KMT2C: variants seen among roughly 807,000 people sequenced by gnomAD.
KMT2C encodes histone-lysine N-methyltransferase 2C.
In KMT2C, 88 loss-of-function variants were observed where a neutral mutation model predicts 507.9. The observed-to-expected ratio is 0.17, with a 90% confidence interval of 0.15 to 0.21. The LOEUF is 0.21. KMT2C is among the 10% of genes least tolerant of loss of function. The pLI, the probability that KMT2C is intolerant of heterozygous loss-of-function variation, is 1.00. For missense variants in KMT2C, 4,954 were observed against 5,957.8 expected, an observed-to-expected ratio of 0.83 and a Z score of 5.55; for synonymous variants, 2,049 against 2,080.8, an observed-to-expected ratio of 0.98 and a Z score of 0.42.
At position 152,230,414 on chromosome 7, in the gene KMT2C, T is replaced by C. The variant is rs2095072239; in HGVS notation, c.2770-93A>G. On this transcript the variant is annotated intron_variant, in intron 16 of 58. Transcript: ENST00000262189. ...CTTCAGAAAATTCATAATCAAAACA[T>C]ATATTTTGGCTAAGGTCTAGAATAA... The C allele has an allele frequency of 7.1e-6, 4 of 566,296 alleles. No individual in the cohort carries two copies. In the South Asian group the frequency reaches 8.3e-5, roughly 12 times the overall value. The allele number at this position is 566,296 out of a possible 1,614,324, so 35.1% of individuals were successfully genotyped here. A position where few individuals can be genotyped will look rare whatever the true frequency, so the allele number is the denominator to read the frequency against.
At position 152,180,699 on chromosome 7, in the gene KMT2C, C is replaced by G. The variant is rs373539339; in HGVS notation, c.7149+12G>C. 1.9e-6 allele frequency: 3 copies of G among 1,573,896 alleles called. No homozygotes were observed. In the African/African-American group the frequency reaches 4.1e-5, roughly 21 times the overall value. ...TAATACATTTAAAACTGAGAACATA[C>G]AATGTGTTTACCTGTCTCAATTTCT... is the stretch of plus-strand genomic sequence containing the variant. On this transcript the variant is annotated intron_variant, in intron 36 of 58. Coordinates refer to ENST00000262189, the MANE Select transcript of KMT2C (RefSeq NM_170606.3).
In KMT2C at chr7:152,181,579, T is replaced by C. The variant is rs1191511092; in HGVS notation, c.6281A>G (p.Tyr2094Cys). The part of the protein sequence containing the change: ...NFSHNQSNDP[Y>C]SQPPLTPHPA... ...ATGTGGGGTAAGGGGAGGCTGACTA[T>C]ATGGATCATTTGACTGATTATGAGA... Residue 2094 changes from tyrosine (Y) to cysteine (C), a missense_variant, in exon 36 of 59, where the codon TAT (tyrosine) becomes TGT (cysteine). By Grantham distance (194) the Tyr-to-Cys change is radical (BLOSUM62 -2). Coordinates refer to ENST00000262189, the MANE Select transcript of KMT2C (RefSeq NM_170606.3). The C allele has an allele frequency of 2.5e-6, 4 of 1,613,978 alleles. No homozygotes were observed. Among genetic ancestry groups the C allele is most frequent in the African/African-American group, 1.3e-5 (1 of 74,888 alleles).
chr7:152,255,142 T>TATATATATATAC lies in KMT2C; in HGVS notation c.1300-2428_1300-2427insGTATATATATAT, dbSNP rs1273227523. ...ATATATATATATATATATATATATA[T>TATATATATATAC]ATACATATATATATATGTGTGTGTG... is the stretch of plus-strand genomic sequence containing the variant. On this transcript the variant is annotated intron_variant, in intron 9 of 58. Transcript: ENST00000262189. Among the ~76,000 whole-genome samples, 390 of 126,232 alleles carry TATATATATATAC rather than the reference T, an allele frequency of 3.1e-3. 1 individual carries two copies. Among genetic ancestry groups the TATATATATATAC allele is most frequent in the Non-Finnish European group, 4.6e-3 (284 of 61,276 alleles). 82.8% of individuals were successfully genotyped at this position (126,232 alleles called of 152,430 possible).
Position 152,182,281 on chromosome 7 carries a change from G to A in KMT2C, c.5579C>T (p.Ser1860Phe). The A allele has an allele frequency of 6.2e-7, 1 of 1,614,164 alleles. No homozygotes were observed. Among genetic ancestry groups the A allele is most frequent in the Non-Finnish European group, 8.5e-7 (1 of 1,180,016 alleles). The change falls in exon 36 of 59, where the codon TCC becomes TTC. Residue 1860 changes from serine to phenylalanine, a missense_variant. Around this residue, in one of 29 missense-constraint regions of KMT2C, gnomAD observed 1,689 missense variants for 1,654.3 expected, o/e 1.02. Coordinates refer to ENST00000262189, the MANE Select transcript of KMT2C (RefSeq NM_170606.3). ...AAGACTATCCTGGATGGGAATCCGG[G>A]ATGGGGCTGGAGGAGGAGGTGGAGC... Reference protein sequence around the residue: ...PQAPPPPPAPSRIPIQDSLSQ... With the variant: ...PQAPPPPPAPFRIPIQDSLSQ...
rs1300600766 is a variant in KMT2C at position 152,162,564 on chromosome 7, C to T, written c.11013G>A (p.Met3671Ile). 6.2e-7 allele frequency: 1 copy of T among 1,614,180 alleles called. No individual in the cohort carries two copies. The highest frequency in any genetic ancestry group is 8.5e-7 in the Non-Finnish European group (1 of 1,180,038). ...ATTCTGTACATAGCTGGCCTGCTGC[C>T]ATATTGGGAGTGGATGGGCCGACTG... The part of the protein sequence containing the change: ...VEPVGPSTPN[M>I]AAGQLCTELE... The change falls in exon 43 of 59, where the codon ATG becomes ATA. Residue 3671 changes from methionine (M) to isoleucine (I), a missense_variant. Transcript: ENST00000262189.
At chr7:152,234,957 A>T (rs1230031626) in intron 16 of KMT2C, among the ~76,000 whole-genome samples, 1 of 152,148 alleles carries the variant, frequency 6.6e-6, no homozygotes, top group Non-Finnish European at 1.5e-5. Flanking sequence ...ATACTCAGCA[A>T]GAAAAGGGAG....
rs147243921 is a variant in KMT2C at position 152,426,802 on chromosome 7, A to C, written c.161+8824T>G. Among the ~76,000 whole-genome samples the C allele has an allele frequency of 6.2e-4, 95 of 152,312 alleles. No individual in the cohort carries two copies. In the East Asian group the frequency reaches 0.016, roughly 26 times the overall value. On this transcript the variant is annotated intron_variant, in intron 1 of 58. Transcript: ENST00000262189. ...CAGGTGAGGCAACCATAGCACAAAA[A>C]ATTTAAGTAACTTGCCCAAGGTCAA...
intron 1 of KMT2C, among the ~76,000 whole-genome samples, chr7:152,418,097 C>T (rs1233896546): frequency 3.3e-5 from 5 of 152,000 alleles, no homozygotes; most frequent in Non-Finnish European, 2.9e-5. Context: ...TGCGCCACCA[C>T]GCCCAGCTAA....
In KMT2C at chr7:152,144,020, T is replaced by C. The variant is rs1359346847; in HGVS notation, c.14343+693A>G. ...AGGAGAAAACAGAACTCGATGATGC[T>C]TTAGGTTTAATCTGGCAGTACTGAG... On this transcript the variant is annotated intron_variant, in intron 55 of 58. Transcript: ENST00000262189. The surrounding 1 kb of genome is among the most constrained non-coding windows in gnomAD (Gnocchi z 4.4). Among the ~76,000 whole-genome samples, 1 of 152,212 alleles carries C rather than the reference T, an allele frequency of 6.6e-6. No homozygotes were observed. The highest frequency in any genetic ancestry group is 1.5e-5 in the Non-Finnish European group (1 of 68,040).
At chr7:152,416,374 T>C (rs2097735599) in intron 1 of KMT2C, among the ~76,000 whole-genome samples, 1 of 152,074 alleles carries the variant, frequency 6.6e-6, no homozygotes, top group Non-Finnish European at 1.5e-5. Flanking sequence ...TGAAACCCCA[T>C]CTCTATTAAA....
chr7:152,388,927 T>C (rs915142805), intron 1 of KMT2C, among the ~76,000 whole-genome samples: 1 of 152,122 alleles, frequency 6.6e-6, no homozygotes, highest in African/African-American at 2.4e-5. Flanking sequence ...TTTGTATTTT[T>C]AGTAGAGACA....
intron 53 of KMT2C, 88 bp downstream of exon 53, chr7:152,146,511 A>C (rs1419956255): frequency 7.7e-7 from 1 of 1,302,732 alleles, no homozygotes; most frequent in Non-Finnish European, 1.1e-6. Context: ...CTTTCTGAAG[A>C]GTGCCACAAA....
At chr7:152,217,063 C>T (rs992267058) in intron 23 of KMT2C, among the ~76,000 whole-genome samples, 1 of 152,174 alleles carries the variant, frequency 6.6e-6, no homozygotes, top group African/African-American at 2.4e-5. Flanking sequence ...GAGTAGGTTT[C>T]ATCATTGCCC....
At chr7:152,215,692 C>T (rs573056578) in intron 23 of KMT2C, among the ~76,000 whole-genome samples, 1,453 of 131,846 alleles carry the variant, frequency 0.011, 63 homozygotes, top group African/African-American at 0.047. Context: ...TATATATACA[C>T]ACACACATAC....
intron 15 of KMT2C, among the ~76,000 whole-genome samples, chr7:152,236,179 C>A (rs577783357): frequency 5.9e-5 from 9 of 152,398 alleles, no homozygotes; most frequent in African/African-American, 2.2e-4. Context: ...TATCAGCAAG[C>A]CTTTGCATGA....
chr7:152,370,869 T>C (rs1478336319), intron 1 of KMT2C, among the ~76,000 whole-genome samples: 3 of 152,224 alleles, frequency 2.0e-5, no homozygotes, highest in African/African-American at 7.2e-5. Flanking sequence ...TCTGCTTTCA[T>C]GCTACAATAG....
chr7:152,292,025 G>A (rs2129186963), intron 6 of KMT2C, among the ~76,000 whole-genome samples: 1 of 151,850 alleles, frequency 6.6e-6, no homozygotes, highest in African/African-American at 2.4e-5. Flanking sequence ...ATAAAATTTT[G>A]TTTTAATTTA....
chr7:152,411,438 G>T (rs2097682245), intron 1 of KMT2C, among the ~76,000 whole-genome samples: 1 of 150,886 alleles, frequency 6.6e-6, no homozygotes, highest in Non-Finnish European at 1.5e-5. Context: ...ATGGCCCAGA[G>T]AATCTCTGAC....
At chr7:152,244,617 A>G (rs1322385979) in intron 14 of KMT2C, among the ~76,000 whole-genome samples, 3 of 152,264 alleles carry the variant, frequency 2.0e-5, no homozygotes, top group Admixed American at 2.0e-4. Flanking sequence ...CAACTAGGTC[A>G]TTAGGACAAT....
Sources: allele counts gnomAD v4.1 joint callset (sites outside exome capture counted in the v4.1 genomes callset), GRCh38; gene constraint gnomAD v4.1.1; regional missense constraint gnomAD v4.1.1; non-coding constraint Gnocchi (gnomAD v3.1); transcripts MANE v1.5; gene names NCBI Gene and HGNC (gene_info 2026-07-23, HGNC 2026-07-21).